Variants in EYA4 observed in about 807,000 individuals in gnomAD.
EYA4 encodes the protein EYA transcriptional coactivator and phosphatase 4.
EYA4 carries 31 observed loss-of-function variants against 87.9 expected under a neutral mutation model. The observed-to-expected ratio is 0.35, with a 90% CI of 0.27 to 0.48. The LOEUF is 0.48. Ranked by LOEUF, EYA4 falls within the 20% of genes least tolerant of loss-of-function variation. The pLI is 0.99. For missense variants in EYA4, 678 were observed against 761.4 expected (o/e 0.89, Z 1.29); for synonymous variants, 263 against 270.6 (o/e 0.97, Z 0.28).
At chr6:133,446,051 G>A (rs999991231) in intron 3 of EYA4, among the ~76,000 whole-genome samples, 4 of 151,980 alleles carry the variant, frequency 2.6e-5, no homozygotes, top group African/African-American at 9.7e-5. Flanking sequence ...TGACTCCCTG[G>A]GTCAACAAGG....
intron 9 of EYA4, among the ~76,000 whole-genome samples, chr6:133,464,235 AT>A (rs1405045470): frequency 6.6e-6 from 1 of 152,100 alleles, no homozygotes; most frequent in East Asian, 1.9e-4. Flanking sequence ...CAAACCCTAG[AT>A]TTGTGTACCA....
Position 133,364,476 on chromosome 6 carries a change from C to T in EYA4, c.34-17916C>T, listed in dbSNP as rs193187996. ...AGACTGGGCACAAGGTGAAGGACTTCTGATATCGAGGTGACTGGCATCACA... is the reference window on the plus strand; with the variant it reads ...AGACTGGGCACAAGGTGAAGGACTTTTGATATCGAGGTGACTGGCATCACA... On this transcript the variant is annotated intron_variant, in intron 2 of 19. Coordinates refer to ENST00000355286, the MANE Select transcript of EYA4 (RefSeq NM_004100.5). Among the ~76,000 whole-genome samples, 331 of 152,282 alleles carry T rather than the reference C, an allele frequency of 2.2e-3. 6 individuals carry two copies. Among genetic ancestry groups the T allele is most frequent in the Admixed American group, 0.02 (303 of 15,304 alleles).
chr6:133,484,942 T>A (rs189817973), intron 13 of EYA4, among the ~76,000 whole-genome samples: 33 of 152,380 alleles, frequency 2.2e-4, no homozygotes, highest in African/African-American at 7.7e-4. Context: ...TGTGGTCATT[T>A]TGATCTTTCT....
intron 2 of EYA4, among the ~76,000 whole-genome samples, chr6:133,294,693 G>C (rs1200541267): frequency 6.6e-6 from 1 of 152,050 alleles, no homozygotes. Context: ...TCAGCCTCCA[G>C]AGTACCTGGG....
At chr6:133,450,850 T>A (rs1266172975) in intron 5 of EYA4, among the ~76,000 whole-genome samples, 1 of 152,234 alleles carries the variant, frequency 6.6e-6, no homozygotes, top group Non-Finnish European at 1.5e-5. Context: ...GTATCACCTT[T>A]AGATTTTATC....
intron 5 of EYA4, among the ~76,000 whole-genome samples, chr6:133,451,602 GA>G (rs1216354632): frequency 6.6e-6 from 1 of 152,100 alleles, no homozygotes; most frequent in Non-Finnish European, 1.5e-5. Context: ...TCTATGCCAG[GA>G]AATGGGAACC....
At chr6:133,506,808 G>A (rs180928327) in intron 14 of EYA4, among the ~76,000 whole-genome samples, 366 of 152,180 alleles carry the variant, frequency 2.4e-3, no homozygotes, top group Non-Finnish European at 3.8e-3. Flanking sequence ...AAAATGAAAC[G>A]ACCCAAGGAA....
intron 1 of EYA4, among the ~76,000 whole-genome samples, chr6:133,244,623 G>A (rs1159369338): frequency 9.5e-6 from 1 of 105,012 alleles, no homozygotes; most frequent in African/African-American, 3.3e-5. Context: ...AAGGCTCTTT[G>A]GGTTAAAAAA....
At chr6:133,256,621 T>C (rs1775360234) in intron 1 of EYA4, among the ~76,000 whole-genome samples, 1 of 152,158 alleles carries the variant, frequency 6.6e-6, no homozygotes, top group Non-Finnish European at 1.5e-5. Flanking sequence ...TTGTGTCATA[T>C]CAATGACTAA....
chr6:133,461,081 C>G, intron 6 of EYA4, 33 bp from the exon 7 acceptor site: 1 of 1,483,808 alleles, frequency 6.7e-7, no homozygotes. Context: ...TATGAAGCAA[C>G]CTTTGGTGCA....
At chr6:133,312,406 A>T (rs1005840807) in intron 2 of EYA4, among the ~76,000 whole-genome samples, 1 of 152,050 alleles carries the variant, frequency 6.6e-6, no homozygotes, top group African/African-American at 2.4e-5. Context: ...ACACACACAC[A>T]CACAGAGATA....
At chr6:133,313,528 A>C (rs972392487) in intron 2 of EYA4, among the ~76,000 whole-genome samples, 2 of 152,222 alleles carry the variant, frequency 1.3e-5, no homozygotes, top group African/African-American at 4.8e-5. Flanking sequence ...GAGAAAATAG[A>C]TTTAGATACT....
intron 2 of EYA4, among the ~76,000 whole-genome samples, chr6:133,290,765 G>A (rs1192336211): frequency 1.3e-5 from 2 of 152,114 alleles, no homozygotes; most frequent in Non-Finnish European, 2.9e-5. Flanking sequence ...GAGACTGAAA[G>A]GGTTTAAGCA....
chr6:133,511,017 AT>A (rs1364026862), intron 14 of EYA4, among the ~76,000 whole-genome samples: 2 of 152,152 alleles, frequency 1.3e-5, no homozygotes, highest in African/African-American at 4.8e-5. Flanking sequence ...GTAGGTGGAG[AT>A]TTATTCAAAA....
At chr6:133,299,933 ATCTATCTATCTATC>A (rs1779252792) in intron 2 of EYA4, among the ~76,000 whole-genome samples, 5 of 81,154 alleles carry the variant, frequency 6.2e-5, no homozygotes, top group African/African-American at 2.4e-4. Context: ...ATCTCTATCT[ATCTATCTATCTATC>A]TATCTATCTA....
chr6:133,246,278 AC>A (rs1774402104), intron 1 of EYA4, among the ~76,000 whole-genome samples: 2 of 152,322 alleles, frequency 1.3e-5, no homozygotes, highest in Non-Finnish European at 2.9e-5. Flanking sequence ...GAAGAAAGAC[AC>A]CATTCTAAAA....
chr6:133,332,711 A>ATTTT (rs71003634), intron 2 of EYA4, among the ~76,000 whole-genome samples: 261 of 124,846 alleles, frequency 2.1e-3, no homozygotes, highest in African/African-American at 5.5e-3. Context: ...GCCCAGCTAA[A>ATTTT]TTTTTTTTTT....
chr6:133,518,644 A>G (rs1799822229), intron 17 of EYA4, among the ~76,000 whole-genome samples: 1 of 152,184 alleles, frequency 6.6e-6, no homozygotes, highest in Admixed American at 6.5e-5. Context: ...ATTACTTGTA[A>G]TATTTAGAAA....
rs935480387 is a variant in EYA4, at chr6:133,494,419, G to A, written c.1191+11304G>A. On this transcript the variant is annotated intron_variant, in intron 13 of 19. Coordinates refer to ENST00000355286, the MANE Select transcript of EYA4 (RefSeq NM_004100.5). ...CTAGAGGTTGGGAAGGGTAGTTGTT[G>A]AGGGGTGCAGTTAGTGGGAATGGTT... Among the ~76,000 whole-genome samples, 14 of 152,318 alleles carry A rather than the reference G, an allele frequency of 9.2e-5. No homozygotes were observed. In the East Asian group the frequency reaches 2.7e-3, roughly 29 times the overall value.
Sources: gnomAD v4.1 joint callset for allele counts (sites outside exome capture counted in the v4.1 genomes callset) on GRCh38, gnomAD v4.1.1 for gene constraint, MANE v1.5 for transcripts, NCBI Gene and HGNC (gene_info 2026-07-23, HGNC 2026-07-21) for gene names.